The following ATP5MC2 variants were observed in gnomAD, a reference collection of about 807,000 sequenced individuals.
ATP5MC2 encodes the protein ATP synthase F(0) complex subunit C2, mitochondrial.
ATP5MC2 carries 11 observed loss-of-function variants against 13.5 expected under a neutral mutation model. The ratio of observed to expected loss-of-function variants is 0.81; its 90% CI spans 0.51 to 1.35. The LOEUF is 1.35. Ranked by LOEUF, ATP5MC2 falls within the 40% of genes most tolerant of loss-of-function variation. ATP5MC2 has a pLI of 0.00. For synonymous variants in ATP5MC2, 64 were observed against 69.7 expected, an observed-to-expected ratio of 0.92 and a Z score of 0.41; for missense variants, 132 against 175.0, an observed-to-expected ratio of 0.75 and a Z score of 1.39.
At chr12:53,674,294 T>C (rs919457220) in intron 1 of ATP5MC2, among the ~76,000 whole-genome samples, 4 of 152,222 alleles carry the variant, frequency 2.6e-5, no homozygotes, top group Non-Finnish European at 5.9e-5. Context: ...CAGTGAGCTA[T>C]GATCACGCCA....
upstream of ATP5MC2, among the ~76,000 whole-genome samples, chr12:53,680,224 G>A (rs1018269772): frequency 1.3e-5 from 2 of 152,112 alleles, no homozygotes; most frequent in African/African-American, 2.4e-5. Context: ...GAGCTCAAGC[G>A]ATCTGCCTAC....
At chr12:53,669,045 G>A (rs1945014501) in intron 4 of ATP5MC2, 103 bp downstream of exon 4, 1 of 1,359,628 alleles carries the variant, frequency 7.4e-7, no homozygotes, top group African/African-American at 1.5e-5. Flanking sequence ...ACAACATGTA[G>A]CTAGTGGCTA....
chr12:53,666,943 C>CAA (rs58565014), intron 4 of ATP5MC2, among the ~76,000 whole-genome samples: 25,271 of 102,910 alleles, frequency 0.25, 2,895 homozygotes, highest in East Asian at 0.35. Context: ...GACTCAGTCT[C>CAA]AAAAAAAAAA....
upstream of ATP5MC2, among the ~76,000 whole-genome samples, chr12:53,677,595 G>A (rs1945309334): frequency 6.6e-6 from 1 of 152,226 alleles, no homozygotes; most frequent in Non-Finnish European, 1.5e-5. Flanking sequence ...AGAAGCGGGC[G>A]AGAAGAGGAG....
chr12:53,672,285 G>C (rs534756444), intron 2 of ATP5MC2, among the ~76,000 whole-genome samples: 1 of 151,958 alleles, frequency 6.6e-6, no homozygotes. Flanking sequence ...GCAGTGGTGC[G>C]ATCTTGGCTC....
intron 1 of ATP5MC2, among the ~76,000 whole-genome samples, chr12:53,675,068 C>T (rs1945224747): frequency 6.6e-6 from 1 of 152,180 alleles, no homozygotes; most frequent in African/African-American, 2.4e-5. Context: ...AGTGATCCCA[C>T]CATTGGCTAT....
intron 4 of ATP5MC2, 126 bp from the exon 5 acceptor site, chr12:53,665,554 G>T: frequency 5.0e-6 from 4 of 806,098 alleles, no homozygotes; most frequent in Non-Finnish European, 8.2e-6. Flanking sequence ...AAGCTTTTAG[G>T]GTAACACCAT....
intron 4 of ATP5MC2, among the ~76,000 whole-genome samples, chr12:53,666,989 T>C (rs1201213607): frequency 6.6e-6 from 1 of 150,582 alleles, no homozygotes; most frequent in Non-Finnish European, 1.5e-5. Flanking sequence ...ATGGGGTTTA[T>C]GAGTTGAAGT....
chr12:53,670,426 T>C (rs1945061896), intron 2 of ATP5MC2, among the ~76,000 whole-genome samples: 1 of 152,210 alleles, frequency 6.6e-6, no homozygotes, highest in South Asian at 2.1e-4. Flanking sequence ...TACACTAGCT[T>C]ACATTAGCTT....
At chr12:53,676,416 C>G, upstream of ATP5MC2, 1 of 589,694 alleles carries the variant, frequency 1.7e-6, no homozygotes, top group Non-Finnish European at 2.9e-6. Flanking sequence ...AACAAAACTC[C>G]TACTCAGAAT....
At chr12:53,670,624 C>A (rs959252685) in intron 2 of ATP5MC2, among the ~76,000 whole-genome samples, 3 of 144,644 alleles carry the variant, frequency 2.1e-5, no homozygotes, top group Non-Finnish European at 4.6e-5. Flanking sequence ...TTCTTTCTTT[C>A]TTTTTTTTTT....
rs916010110 is a variant in ATP5MC2 at position 53,672,083 on chromosome 12, C to CAAAAAAAAAAAAAAAAAAAAAAAAA, written c.39+492_39+493insTTTTTTTTTTTTTTTTTTTTTTTTT. On this transcript the variant is annotated intron_variant, in intron 2 of 4. Coordinates refer to ENST00000394349, the MANE Select transcript of ATP5MC2 (RefSeq NM_005176.7). Reference sequence around the variant, plus strand: ...GGGCAACAAGAGCGAAACTCTGTCTCAAAAAAAAAAAAAAAAAAAAAATTA... The same window carrying CAAAAAAAAAAAAAAAAAAAAAAAAA: ...GGGCAACAAGAGCGAAACTCTGTCTCAAAAAAAAAAAAAAAAAAAAAAAAAAAAAAAAAAAAAAAAAAAAAAATTA... Among the ~76,000 whole-genome samples, 25 of 47,166 alleles carry CAAAAAAAAAAAAAAAAAAAAAAAAA rather than the reference C, an allele frequency of 5.3e-4. 3 individuals are homozygous for CAAAAAAAAAAAAAAAAAAAAAAAAA. Among genetic ancestry groups the CAAAAAAAAAAAAAAAAAAAAAAAAA allele is most frequent in the Non-Finnish European group, 6.5e-4 (17 of 26,100 alleles). The allele number at this position is 47,166 out of a possible 152,430, so 30.9% of individuals were successfully genotyped here. A position where few individuals can be genotyped will look rare whatever the true frequency, so the allele number is the denominator to read the frequency against.
intron 3 of ATP5MC2, 143 bp from the exon 4 acceptor site, chr12:53,669,484 C>A: frequency 9.1e-6 from 13 of 1,421,024 alleles, no homozygotes; most frequent in Non-Finnish European, 1.1e-5. Flanking sequence ...GCAAGTAGAA[C>A]CTTTTAACGT....
chr12:53,666,227 T>C (rs1035661106), intron 4 of ATP5MC2, among the ~76,000 whole-genome samples: 1 of 151,724 alleles, frequency 6.6e-6, no homozygotes, highest in Non-Finnish European at 1.5e-5. Flanking sequence ...GTAGATTGCT[T>C]GAGGTCAGGA....
chr12:53,667,994 T>A (rs868219120), intron 4 of ATP5MC2, among the ~76,000 whole-genome samples: 34 of 88,216 alleles, frequency 3.9e-4, no homozygotes, highest in African/African-American at 1.3e-3. Context: ...TATATATATA[T>A]AAATTTTTTT....
In ATP5MC2 at chr12:53,676,073, A is replaced by C. The variant is rs1262283166; in HGVS notation, c.-52T>G. 1 of 1,614,052 alleles carries C rather than the reference A, an allele frequency of 6.2e-7. No homozygotes were observed. The highest frequency in any genetic ancestry group is 8.5e-7 in the Non-Finnish European group (1 of 1,180,038). ...CTTACCTGCTCCCACTGCAGAGAAG[A>C]CAGAGAGGGGCGGAGCAGCGGGAAG... On this transcript the variant is annotated 5_prime_UTR_variant, in exon 1 of 5. Transcript: ENST00000394349.
upstream of ATP5MC2, chr12:53,677,390 T>C (rs1945304719): frequency 6.6e-6 from 1 of 152,228 alleles, no homozygotes; most frequent in Non-Finnish European, 1.5e-5. Flanking sequence ...GCGACGCCAT[T>C]ACAGGAATGT....
intron 4 of ATP5MC2, 116 bp from the exon 5 acceptor site, chr12:53,665,544 A>C (rs1944890902): frequency 1.1e-6 from 1 of 891,556 alleles, no homozygotes; most frequent in Non-Finnish European, 1.8e-6. Flanking sequence ...CATAATAAAG[A>C]AGCTTTTAGG....
upstream of ATP5MC2, among the ~76,000 whole-genome samples, chr12:53,680,859 T>A (rs568852064): frequency 2.0e-4 from 30 of 152,328 alleles, no homozygotes; most frequent in East Asian, 5.4e-3. Flanking sequence ...ACATTTTATA[T>A]AAACTATGAA....
Sources: allele counts gnomAD v4.1 joint callset (sites outside exome capture counted in the v4.1 genomes callset), GRCh38; gene constraint gnomAD v4.1.1; transcripts MANE v1.5; gene names NCBI Gene and HGNC (gene_info 2026-07-23, HGNC 2026-07-21).